KRT14: variants seen among roughly 807,000 people sequenced by gnomAD.
The protein encoded by KRT14 is keratin, type I cytoskeletal 14.
KRT14 carries 30 observed loss-of-function variants against 44.5 expected under a neutral mutation model. The observed-to-expected ratio is 0.67, with a 90% CI of 0.50 to 0.92. The LOEUF (loss-of-function observed/expected upper bound fraction) is 0.92. Among genes scored for constraint, KRT14 ranks in the 40% least tolerant of loss-of-function variants. The probability of loss-of-function intolerance (pLI) is 0.00; values close to 1 mark genes in which losing one functional copy is unlikely to be tolerated. For missense variants in KRT14, 535 were observed against 640.6 expected (o/e 0.84, Z 1.78); for synonymous variants, 241 against 257.6 (o/e 0.94, Z 0.62).
At chr17:41,582,697 C>T in intron 7 of KRT14, 165 bp from the exon 8 acceptor site, 1 of 665,800 alleles carries the variant, frequency 1.5e-6, no homozygotes, top group South Asian at 1.7e-5. Context: ...ATACCATCAA[C>T]ACATTTCTTT....
Position 41,584,384 on chromosome 17 carries a change from C to A in KRT14, c.638G>T (p.Ser213Ile). The A allele has an allele frequency of 6.2e-7, 1 of 1,614,106 alleles. No individual in the cohort carries two copies. Among genetic ancestry groups the A allele is most frequent in the Non-Finnish European group, 8.5e-7 (1 of 1,180,026 alleles). ...KYETELNLRM[S>I]VEADINGLRR... The stretch of plus-strand genomic sequence containing the variant: ...CAGGCCATTGATGTCGGCTTCCACA[C>A]TCATGCGCAGGTTCAACTCTGTCTC... Residue 213 changes from serine to isoleucine, a missense_variant, in exon 3 of 8, where the codon AGT (serine) becomes ATT (isoleucine). Physicochemically the swap from Ser to Ile is moderately radical, Grantham distance 142 (BLOSUM62 -2). Coordinates refer to ENST00000167586, the MANE Select transcript of KRT14 (RefSeq NM_000526.5).
chr17:41,586,592 A>T lies in KRT14; in HGVS notation c.243T>A (p.Gly81=). The T allele has an allele frequency of 1.2e-6, 2 of 1,613,816 alleles. No individual in the cohort carries two copies. Among genetic ancestry groups the T allele is most frequent in the South Asian group, 2.2e-5 (2 of 91,062 alleles). The change falls in exon 1 of 8, where the codon GGT becomes GGA. Residue 81 remains glycine (G), a synonymous_variant. Transcript: ENST00000167586. ...GGFSSSSSSF[G]SGFGGGYGGG... Reference sequence around the variant, plus strand: ...CACCATATCCTCCCCCAAAGCCACTACCAAAGCTGCTGCTGCTGCTGCTGA... The same window carrying T: ...CACCATATCCTCCCCCAAAGCCACTTCCAAAGCTGCTGCTGCTGCTGCTGA...
chr17:41,586,762 C>G lies in KRT14; in HGVS notation c.73G>C (p.Gly25Arg). The G allele has an allele frequency of 6.3e-7, 1 of 1,581,312 alleles. No individual in the cohort carries two copies. Among genetic ancestry groups the G allele is most frequent in the South Asian group, 1.1e-5 (1 of 87,858 alleles). Residue 25 changes from glycine to arginine, a missense_variant, in exon 1 of 8, where the codon GGG (glycine) becomes CGG (arginine). By Grantham distance (125) the Gly-to-Arg change is moderately radical. Coordinates refer to ENST00000167586, the MANE Select transcript of KRT14 (RefSeq NM_000526.5). ...GAGGAGATGCGGCTGGAGCCGCCCCCGATGCCGCCCCCGATGCCGCAGGAG... is the reference window on the plus strand; with the variant it reads ...GAGGAGATGCGGCTGGAGCCGCCCCGGATGCCGCCCCCGATGCCGCAGGAG... ...KGSCGIGGGIGGGSSRISSVL... is the reference protein window; with the variant it reads ...KGSCGIGGGIRGGSSRISSVL...
Position 41,586,657 on chromosome 17 carries a change from C to G in KRT14, c.178G>C (p.Gly60Arg), listed in dbSNP as rs1367015717. Residue 60 changes from glycine (G) to arginine (R), a missense_variant, in exon 1 of 8, where the codon GGG becomes CGG. Coordinates refer to ENST00000167586, the MANE Select transcript of KRT14 (RefSeq NM_000526.5). ...CCGCCCCCCAGCCCGCAGGCTCCCC[C>G]AGAGGAGAAGCGGGAGGATGAGACA... ...LSVSSSRFSS[G>R]GACGLGGGYG... 5 of 1,604,084 alleles carry G rather than the reference C, an allele frequency of 3.1e-6. No homozygotes were observed. Among genetic ancestry groups the G allele is most frequent in the East Asian group, 4.5e-5 (2 of 44,336 alleles).
rs1476741932 is a variant in KRT14 at position 41,586,542 on chromosome 17, C to G, written c.293G>C (p.Gly98Ala). The G allele has an allele frequency of 5.0e-6, 8 of 1,613,918 alleles. No individual in the cohort carries two copies. The South Asian group carries it at 7.7e-5, about 16-fold the overall frequency. ...YGGGLGAGLG[G>A]GFGGGFAGGD... The stretch of plus-strand genomic sequence containing the variant: ...ACCAGCAAAGCCACCACCAAAGCCA[C>G]CACCCAAGCCAGCACCAAGGCCACC... The change falls in exon 1 of 8, where the codon GGT becomes GCT. Residue 98 changes from glycine (G) to alanine (A), a missense_variant. Physicochemically the swap from Gly to Ala is moderately conservative, Grantham distance 60 (BLOSUM62 0). Coordinates refer to ENST00000167586, the MANE Select transcript of KRT14 (RefSeq NM_000526.5).
chr17:41,583,978 T>C, intron 3 of KRT14, 57 bp from the exon 4 acceptor site: 2 of 1,598,006 alleles, frequency 1.3e-6, no homozygotes, highest in South Asian at 1.1e-5. Flanking sequence ...CGGATTGGTG[T>C]TCCTTAGGCC....
intron 2 of KRT14, 49 bp from the exon 3 acceptor site, chr17:41,584,462 C>G (rs373799194): frequency 6.2e-7 from 1 of 1,606,592 alleles, no homozygotes; most frequent in Non-Finnish European, 8.5e-7. Flanking sequence ...CTGATCACAG[C>G]GAGGGCTTTG....
chr17:41,583,537 G>T lies in KRT14; in HGVS notation c.1053+14C>A. On this transcript the variant is annotated intron_variant, in intron 5 of 7. Transcript: ENST00000167586. ...CAGTCCTGGGTGCACCACCCTTCCT[G>T]GCACTATTCCTACCATGCTGAGCTG... The T allele has an allele frequency of 6.2e-7, 1 of 1,614,154 alleles. No homozygotes were observed.
At position 41,583,363 on chromosome 17, in the gene KRT14, C is replaced by T; in HGVS notation, c.1146G>A (p.Glu382=). 6.2e-7 allele frequency: 1 copy of T among 1,613,752 alleles called. No homozygotes were observed. The highest frequency in any genetic ancestry group is 1.1e-5 in the South Asian group (1 of 91,054). ...QIQEMIGSVE[E]QLAQLRCEME... ...TCTCGCAGCGGAGCTGGGCCAGCTG[C>T]TCCTCCACGCTGCCAATCATCTCCT... Residue 382 remains glutamate, a synonymous_variant, in exon 6 of 8, where the codon GAG becomes GAA. Transcript: ENST00000167586.
chr17:41,583,230 C>T lies in KRT14; in HGVS notation c.1274+5G>A. 1.9e-6 allele frequency: 3 copies of T among 1,613,420 alleles called. No homozygotes were observed. The highest frequency in any genetic ancestry group is 2.5e-6 in the Non-Finnish European group (3 of 1,179,962). On this transcript the variant is annotated splice_donor_5th_base_variant and intron_variant, in intron 6 of 7. Transcript: ENST00000167586. Reference sequence around the variant, plus strand: ...GGGCGGACTAAGGGGAGGGCCAAGACTCACTGGGCGTCCTCGCCCTCCAGC... The same window carrying T: ...GGGCGGACTAAGGGGAGGGCCAAGATTCACTGGGCGTCCTCGCCCTCCAGC...
Position 41,585,025 on chromosome 17 carries a change from G to T in KRT14, c.558C>A (p.Val186=), listed in dbSNP as rs1318160113. The change falls in exon 2 of 8, where the codon GTC becomes GTA. Residue 186 remains valine, a synonymous_variant. Transcript: ENST00000167586. ...GACGGGCATTGTCAATCTGCAGAAG[G>T]ACATTGGCATTGTCCACTGTGGCTG... ...ILTATVDNAN[V]LLQIDNARLA... 5.0e-6 allele frequency: 8 copies of T among 1,614,028 alleles called. No individual in the cohort carries two copies. The highest frequency in any genetic ancestry group is 6.8e-6 in the Non-Finnish European group (8 of 1,179,972).
rs746132203 is a variant in KRT14 at position 41,583,924 on chromosome 17, G to T, written c.766-3C>A. 16 of 1,613,710 alleles carry T rather than the reference G, an allele frequency of 9.9e-6. No individual in the cohort carries two copies. On this transcript the variant is annotated splice_polypyrimidine_tract_variant and splice_region_variant and intron_variant, in intron 3 of 7. Transcript: ENST00000167586. ...TGGCCTCTCAGGGCATTCATCTCCTGCACAGCCAGGGACAGTCCACAGTCA... is the reference window on the plus strand; with the variant it reads ...TGGCCTCTCAGGGCATTCATCTCCTTCACAGCCAGGGACAGTCCACAGTCA...
chr17:41,586,742 G>C lies in KRT14; in HGVS notation c.93C>G (p.Ile31Met). ...AGGACCCTCCGGCCAGGACGGAGGA[G>C]ATGCGGCTGGAGCCGCCCCCGATGC... ...GGGIGGGSSR[I>M]SSVLAGGSCR... The change falls in exon 1 of 8, where the codon ATC becomes ATG. Residue 31 changes from isoleucine to methionine, a missense_variant. By Grantham distance (10) the Ile-to-Met change is conservative. Coordinates refer to ENST00000167586, the MANE Select transcript of KRT14 (RefSeq NM_000526.5). 6.3e-7 allele frequency: 1 copy of C among 1,585,714 alleles called. No homozygotes were observed. The highest frequency in any genetic ancestry group is 8.6e-7 in the Non-Finnish European group (1 of 1,167,286).
intron 3 of KRT14, 89 bp from the exon 4 acceptor site, chr17:41,584,010 C>G (rs1907434222): frequency 7.4e-7 from 1 of 1,352,610 alleles, no homozygotes; most frequent in African/African-American, 1.5e-5. Context: ...CTCCCACCAT[C>G]ACAATTCTAT....
In KRT14 at chr17:41,582,496, A is replaced by G. The variant is rs1223099484; in HGVS notation, c.1358T>C (p.Met453Thr). Residue 453 changes from methionine (M) to threonine (T), a missense_variant, in exon 8 of 8, where the codon ATG (methionine) becomes ACG (threonine). Coordinates refer to ENST00000167586, the MANE Select transcript of KRT14 (RefSeq NM_000526.5). The part of the protein sequence containing the change: ...SSSRQIRTKV[M>T]DVHDGKVVST... ...CACCACCTTGCCATCGTGCACATCC[A>G]TGACCTTGGTGCGGATTTGGCGGCT... 56 of 1,573,536 alleles carry G rather than the reference A, an allele frequency of 3.6e-5. No homozygotes were observed. Among genetic ancestry groups the G allele is most frequent in the Non-Finnish European group, 4.7e-5 (54 of 1,159,362 alleles).
intron 2 of KRT14, 183 bp from the exon 3 acceptor site, chr17:41,584,596 G>A: frequency 1.5e-6 from 1 of 673,518 alleles, no homozygotes; most frequent in Non-Finnish European, 2.6e-6. Flanking sequence ...ATTCCTGCGG[G>A]CTGGGGATAA....
At chr17:41,585,642 C>T (rs549447210) in intron 1 of KRT14, among the ~76,000 whole-genome samples, 93 of 152,334 alleles carry the variant, frequency 6.1e-4, no homozygotes, top group African/African-American at 2.2e-3. Context: ...CTAATCCATG[C>T]AAGTCATTAG....
At position 41,583,908 on chromosome 17, in the gene KRT14, A is replaced by G. The variant is rs1455379831; in HGVS notation, c.779T>C (p.Leu260Pro). ...GACATCTCCACCCACCTGGCCTCTC[A>G]GGGCATTCATCTCCTGCACAGCCAG... ...KKNHEEEMNA[L>P]RGQVGGDVNV... Residue 260 changes from leucine (L) to proline (P), a missense_variant, in exon 4 of 8, where the codon CTG becomes CCG. Physicochemically the swap from Leu to Pro is moderately conservative, Grantham distance 98. Coordinates refer to ENST00000167586, the MANE Select transcript of KRT14 (RefSeq NM_000526.5). The G allele has an allele frequency of 6.2e-7, 1 of 1,613,778 alleles. No homozygotes were observed. The highest frequency in any genetic ancestry group is 2.2e-5 in the East Asian group (1 of 44,862).
At chr17:41,583,208 C>T (rs756966148) in intron 6 of KRT14, 27 bp downstream of exon 6, 14 of 1,610,730 alleles carry the variant, frequency 8.7e-6, no homozygotes, top group African/African-American at 2.7e-5. Context: ...ATGGGGGGGG[C>T]GGACTAAGGG....
Sources: allele counts gnomAD v4.1 joint callset (sites outside exome capture counted in the v4.1 genomes callset), GRCh38; gene constraint gnomAD v4.1.1; transcripts MANE v1.5; gene names NCBI Gene and HGNC (gene_info 2026-07-23, HGNC 2026-07-21).